Variants in PHLDB2 observed in about 807,000 individuals in gnomAD.
PHLDB2 encodes pleckstrin homology like domain family B member 2, also known as pleckstrin homology-like domain family B member 2.
Under a neutral mutation model 123.6 loss-of-function variants are expected in PHLDB2, and 71 were observed. The ratio of observed to expected loss-of-function variants is 0.57; its 90% CI spans 0.47 to 0.70. PHLDB2 has a LOEUF of 0.70. Ranked by LOEUF, PHLDB2 falls within the 30% of genes least tolerant of loss-of-function variation. The pLI is 0.00. For synonymous variants in PHLDB2, 547 were observed against 541.6 expected (o/e 1.01, Z -0.14); for missense variants, 1,446 against 1,519.5 (o/e 0.95, Z 0.80).
chr3:111,930,654 C>G (rs1352027371), intron 5 of PHLDB2, among the ~76,000 whole-genome samples: 1 of 152,118 alleles, frequency 6.6e-6, no homozygotes, highest in African/African-American at 2.4e-5. Context: ...TCTAACGGTG[C>G]TAGTATATTC....
chr3:111,918,688 C>T (rs980360904), intron 3 of PHLDB2, among the ~76,000 whole-genome samples: 3 of 152,174 alleles, frequency 2.0e-5, no homozygotes, highest in Non-Finnish European at 4.4e-5. Context: ...CCAAGAGATC[C>T]CGAGGAAGAT....
intron 1 of PHLDB2, among the ~76,000 whole-genome samples, chr3:111,772,839 T>G (rs970092950): frequency 9.7e-5 from 14 of 143,886 alleles, no homozygotes; most frequent in African/African-American, 3.4e-4. Context: ...CCCTGCACAC[T>G]TTTTTTAACA....
At chr3:111,916,660 T>C (rs2068196250) in intron 3 of PHLDB2, 2 of 152,192 alleles carry the variant, frequency 1.3e-5, no homozygotes, top group African/African-American at 2.4e-5. Context: ...CTAATTTTAG[T>C]TGGCCTTTGT....
At chr3:111,853,145 A>G (rs1190107620) in intron 2 of PHLDB2, among the ~76,000 whole-genome samples, 2 of 152,198 alleles carry the variant, frequency 1.3e-5, no homozygotes. Context: ...CAAATATTCA[A>G]TAAGGTTATT....
chr3:111,947,820 C>T (rs975487731), intron 9 of PHLDB2, among the ~76,000 whole-genome samples: 25 of 152,270 alleles, frequency 1.6e-4, no homozygotes, highest in African/African-American at 5.8e-4. Context: ...TAGCATTCTC[C>T]ACTTTGTTAT....
intron 8 of PHLDB2, 81 bp from the exon 9 acceptor site, chr3:111,945,187 A>C: frequency 1.1e-6 from 1 of 886,684 alleles, no homozygotes; most frequent in Non-Finnish European, 1.8e-6. Flanking sequence ...ATCTGATGTT[A>C]GTCTCTAATG....
chr3:111,876,640 A>G (rs1182557484), intron 1 of PHLDB2, among the ~76,000 whole-genome samples: 1 of 152,114 alleles, frequency 6.6e-6, no homozygotes, highest in African/African-American at 2.4e-5. Flanking sequence ...TTACATAGGT[A>G]TACACGTGCC....
chr3:111,867,933 T>C lies in PHLDB2; in HGVS notation c.-15+8357T>C, dbSNP rs1270641338. On this transcript the variant is annotated intron_variant, in intron 1 of 17. Coordinates refer to ENST00000431670, the MANE Select transcript of PHLDB2 (RefSeq NM_001134438.2). Reference sequence around the variant, plus strand: ...CCCAAGCTGGTCTCGAATCCTGGGCTCCAGTGATCTGCCTGCCTCGGCCTC... The same window carrying C: ...CCCAAGCTGGTCTCGAATCCTGGGCCCCAGTGATCTGCCTGCCTCGGCCTC... Among the ~76,000 whole-genome samples the C allele has an allele frequency of 4.6e-5, 7 of 151,870 alleles. No homozygotes were observed. In the East Asian group the frequency reaches 1.4e-3, roughly 30 times the overall value.
intron 1 of PHLDB2, among the ~76,000 whole-genome samples, chr3:111,780,313 G>GA (rs757673632): frequency 0.34 from 1,547 of 4,544 alleles, 684 homozygotes; most frequent in South Asian, 0.84. Flanking sequence ...GGAAGAGGAA[G>GA]AGGAAGAGGA....
chr3:111,889,484 T>G (rs2066354934), intron 2 of PHLDB2, among the ~76,000 whole-genome samples: 1 of 152,106 alleles, frequency 6.6e-6, no homozygotes, highest in South Asian at 2.1e-4. Context: ...GGAGGATCAC[T>G]TGAGTCCAGG....
chr3:111,751,098 T>C (rs1386200667), intron 1 of PHLDB2, among the ~76,000 whole-genome samples: 1 of 151,846 alleles, frequency 6.6e-6, no homozygotes, highest in African/African-American at 2.4e-5. Flanking sequence ...AGCCAACCTG[T>C]GATCTCAGCA....
At chr3:111,823,801 G>C (rs2062520373) in intron 1 of PHLDB2, among the ~76,000 whole-genome samples, 1 of 152,116 alleles carries the variant, frequency 6.6e-6, no homozygotes, top group South Asian at 2.1e-4. Flanking sequence ...AATATGTCTT[G>C]TTTTCCCTGT....
chr3:111,773,863 T>C (rs73222475), intron 1 of PHLDB2, among the ~76,000 whole-genome samples: 36,369 of 151,922 alleles, frequency 0.24, 5,046 homozygotes, highest in African/African-American at 0.38. Flanking sequence ...TCTTCTCAAA[T>C]ACTACCATGT....
At chr3:111,876,977 C>T (rs2065661052) in intron 1 of PHLDB2, among the ~76,000 whole-genome samples, 1 of 152,248 alleles carries the variant, frequency 6.6e-6, no homozygotes, top group Admixed American at 6.5e-5. Flanking sequence ...CATTGATGGG[C>T]ATTTGGGTTC....
intron 6 of PHLDB2, among the ~76,000 whole-genome samples, chr3:111,938,263 A>G (rs1172987278): frequency 3.3e-5 from 5 of 152,138 alleles, no homozygotes; most frequent in Admixed American, 1.3e-4. Context: ...GACATTTGCC[A>G]TATTCCTTCT....
chr3:111,764,597 CA>C (rs1158341960), intron 1 of PHLDB2, among the ~76,000 whole-genome samples: 1 of 152,114 alleles, frequency 6.6e-6, no homozygotes, highest in Non-Finnish European at 1.5e-5. Flanking sequence ...AAAAATACCC[CA>C]CTGATCTTCA....
intron 1 of PHLDB2, among the ~76,000 whole-genome samples, chr3:111,761,629 G>T (rs2059996261): frequency 6.6e-6 from 1 of 152,162 alleles, no homozygotes; most frequent in South Asian, 2.1e-4. Flanking sequence ...AACTTCAGCT[G>T]CATTCAGATC....
At chr3:111,935,003 T>C (rs2069383226) in intron 6 of PHLDB2, among the ~76,000 whole-genome samples, 1 of 151,626 alleles carries the variant, frequency 6.6e-6, no homozygotes, top group African/African-American at 2.4e-5. Flanking sequence ...GAGTAAATAA[T>C]CAAAAGCACA....
intron 1 of PHLDB2, among the ~76,000 whole-genome samples, chr3:111,781,995 A>T (rs4075549): frequency 0.67 from 101,391 of 151,878 alleles, 35,509 homozygotes; most frequent in East Asian, 0.93. Context: ...AATTTGGTCA[A>T]GCAAGGAAAG....
Sources: gnomAD v4.1 joint callset for allele counts (sites outside exome capture counted in the v4.1 genomes callset) on GRCh38, gnomAD v4.1.1 for gene constraint, MANE v1.5 for transcripts, NCBI Gene and HGNC (gene_info 2026-07-23, HGNC 2026-07-21) for gene names.